The following DDIAS variants were observed in gnomAD, a reference collection of about 807,000 sequenced individuals.
The protein encoded by DDIAS is DNA damage induced apoptosis suppressor.
DDIAS carries 14 observed loss-of-function variants against 15.7 expected under a neutral mutation model. That is an observed-to-expected ratio of 0.89 (90% confidence interval 0.59 to 1.39). The LOEUF (loss-of-function observed/expected upper bound fraction) is 1.39. Among genes scored for constraint, DDIAS ranks in the 40% most tolerant of loss-of-function variants. The pLI is 0.00. For synonymous variants in DDIAS, 355 were observed against 395.9 expected (o/e 0.90, Z 1.23); for missense variants, 1,035 against 1,130.9 (o/e 0.92, Z 1.22).
At position 82,932,340 on chromosome 11, in the gene DDIAS, T is replaced by C; in HGVS notation, c.1002T>C (p.Val334=). ...ACAGCAGTCATCATGAAATTGGAGT[T>C]AATGACTCTAATTTATTCTCTTTGG... ...AVHSSHHEIG[V]NDSNLFSLEM... Residue 334 remains valine, a synonymous_variant, in exon 6 of 6, where the codon GTT becomes GTC. Coordinates refer to ENST00000533655, the MANE Select transcript of DDIAS (RefSeq NM_145018.4). 1 of 1,614,018 alleles carries C rather than the reference T, an allele frequency of 6.2e-7. No homozygotes were observed. The highest frequency in any genetic ancestry group is 8.5e-7 in the Non-Finnish European group (1 of 1,179,902).
chr11:82,924,282 T>C (rs1006232733), intron 3 of DDIAS, among the ~76,000 whole-genome samples: 2 of 152,222 alleles, frequency 1.3e-5, no homozygotes, highest in African/African-American at 4.8e-5. Context: ...AGGGATGTTA[T>C]ATAATCATAT....
intron 3 of DDIAS, among the ~76,000 whole-genome samples, chr11:82,923,131 C>G (rs1248253272): frequency 6.6e-6 from 1 of 152,156 alleles, no homozygotes; most frequent in Non-Finnish European, 1.5e-5. Context: ...TTCAGAGGGT[C>G]TGTGGGTCCT....
chr11:82,932,071 T>C lies in DDIAS; in HGVS notation c.733T>C (p.Phe245Leu), dbSNP rs373346909. 5 of 1,614,006 alleles carry C rather than the reference T, an allele frequency of 3.1e-6. No homozygotes were observed. The African/African-American group carries it at 5.3e-5, about 17-fold the overall frequency. ...FSKFWQPSLE[F>L]TCIVSQLTDN... ...AAAATTCTGGCAGCCATCACTTGAA[T>C]TCACTTGCATTGTTTCACAACTAAC... The change falls in exon 6 of 6, where the codon TTC (phenylalanine) becomes CTC (leucine). Residue 245 changes from phenylalanine to leucine, a missense_variant. By Grantham distance (22) the Phe-to-Leu change is conservative. Transcript: ENST00000533655.
chr11:82,927,183 T>A (rs1028203973), intron 3 of DDIAS, among the ~76,000 whole-genome samples: 14 of 152,232 alleles, frequency 9.2e-5, no homozygotes, highest in Admixed American at 8.5e-4. Context: ...TTGCTAGGAA[T>A]TTTACATTAA....
At position 82,933,030 on chromosome 11, in the gene DDIAS, C is replaced by G; in HGVS notation, c.1692C>G (p.His564Gln). 6.2e-7 allele frequency: 1 copy of G among 1,607,472 alleles called. No homozygotes were observed. The highest frequency in any genetic ancestry group is 8.5e-7 in the Non-Finnish European group (1 of 1,179,284). Reference protein sequence around the residue: ...TLKKTIRISPHRESDHSSLNN... With the variant: ...TLKKTIRISPQRESDHSSLNN... Reference sequence around the variant, plus strand: ...AGAAGACTATCAGAATCTCACCACACAGGGAGAGTGACCATTCTAGTCTAA... The same window carrying G: ...AGAAGACTATCAGAATCTCACCACAGAGGGAGAGTGACCATTCTAGTCTAA... Residue 564 changes from histidine (H) to glutamine (Q), a missense_variant, in exon 6 of 6, where the codon CAC (histidine) becomes CAG (glutamine). Transcript: ENST00000533655.
chr11:82,921,822 A>G (rs796261277), intron 3 of DDIAS, among the ~76,000 whole-genome samples: 26 of 151,320 alleles, frequency 1.7e-4, no homozygotes, highest in African/African-American at 6.3e-4. Flanking sequence ...CAGGTGATCC[A>G]CCCGCCTCAG....
chr11:82,916,889 T>G (rs1860642881), intron 3 of DDIAS, among the ~76,000 whole-genome samples: 1 of 152,234 alleles, frequency 6.6e-6, no homozygotes, highest in South Asian at 2.1e-4. Flanking sequence ...CTAAACAATC[T>G]GAATTCTGTC....
At chr11:82,910,592 T>TTCTCTCTCTC (rs201976654) in intron 1 of DDIAS, among the ~76,000 whole-genome samples, 3 of 139,388 alleles carry the variant, frequency 2.2e-5, no homozygotes, top group African/African-American at 8.8e-5. Context: ...TTTTAATTTT[T>TTCTCTCTCTC]TCTCTCTCTC....
intron 3 of DDIAS, among the ~76,000 whole-genome samples, chr11:82,915,109 T>C (rs1860607368): frequency 6.6e-6 from 1 of 152,242 alleles, no homozygotes; most frequent in African/African-American, 2.4e-5. Flanking sequence ...GTTCCAATAC[T>C]GGGTACAAAA....
At chr11:82,916,966 C>G (rs778460709) in intron 3 of DDIAS, among the ~76,000 whole-genome samples, 1 of 152,134 alleles carries the variant, frequency 6.6e-6, no homozygotes, top group African/African-American at 2.4e-5. Flanking sequence ...GACATCTTCC[C>G]CTCTCTTTCT....
At chr11:82,911,286 G>A (rs989389574) in intron 1 of DDIAS, among the ~76,000 whole-genome samples, 7 of 152,222 alleles carry the variant, frequency 4.6e-5, no homozygotes, top group South Asian at 4.1e-4. Flanking sequence ...GTTTGATAGC[G>A]TTTTACTCAC....
In DDIAS at chr11:82,914,954, G is replaced by A. The variant is rs1189411043; in HGVS notation, c.113+103G>A. On this transcript the variant is annotated intron_variant, in intron 3 of 5. Transcript: ENST00000533655. ...CCAGATTTACCAAACAAGGACATTA[G>A]ATTCTCTCAGGGGTTGGTTCTTCTG... 7.2e-6 allele frequency: 5 copies of A among 697,924 alleles called. No homozygotes were observed. The African/African-American group carries it at 7.5e-5, about 10-fold the overall frequency. 43.2% of individuals were successfully genotyped at this position (697,924 alleles called of 1,614,324 possible). A position where few individuals can be genotyped will look rare whatever the true frequency, so the allele number is the denominator to read the frequency against.
At chr11:82,929,605 G>T (rs1860941449) in intron 4 of DDIAS, among the ~76,000 whole-genome samples, 1 of 151,530 alleles carries the variant, frequency 6.6e-6, no homozygotes, top group African/African-American at 2.4e-5. Flanking sequence ...CCGGGAGGCT[G>T]AGGCAGGAGA....
At chr11:82,921,076 T>A (rs1457555682) in intron 3 of DDIAS, among the ~76,000 whole-genome samples, 1 of 152,230 alleles carries the variant, frequency 6.6e-6, no homozygotes, top group Admixed American at 6.5e-5. Flanking sequence ...GGTGCATAAA[T>A]GTTTAGGATT....
At chr11:82,911,893 A>G (rs1434943849) in intron 1 of DDIAS, among the ~76,000 whole-genome samples, 10 of 152,180 alleles carry the variant, frequency 6.6e-5, no homozygotes, top group South Asian at 2.1e-4. Flanking sequence ...AACAATATCA[A>G]TCTCCTTGTG....
At chr11:82,912,556 G>A (rs1860546968) in intron 1 of DDIAS, among the ~76,000 whole-genome samples, 1 of 152,118 alleles carries the variant, frequency 6.6e-6, no homozygotes, top group African/African-American at 2.4e-5. Flanking sequence ...TCTGGATTAG[G>A]CTTCGATTTA....
chr11:82,932,217 G>A lies in DDIAS; in HGVS notation c.879G>A (p.Gln293=). 1.9e-6 allele frequency: 3 copies of A among 1,613,892 alleles called. No homozygotes were observed. The highest frequency in any genetic ancestry group is 2.5e-6 in the Non-Finnish European group (3 of 1,179,976). Residue 293 remains glutamine, a synonymous_variant, in exon 6 of 6, where the codon CAG becomes CAA. Coordinates refer to ENST00000533655, the MANE Select transcript of DDIAS (RefSeq NM_145018.4). ...CCAGTAGCTGCCATGATCCCATTCA[G>A]GATTCATGGAGCCTTGTTTCATATA... The part of the protein sequence containing the change: ...TGSSSCHDPI[Q]DSWSLVSYMD...
In DDIAS at chr11:82,934,520, A is replaced by T. The variant is rs1453174649; in HGVS notation, c.*185A>T. ...TTGTTTTCCCCAGGGTTTTATCTAG[A>T]ATACTATGATTAGGTAGTTGAGCAC... On this transcript the variant is annotated 3_prime_UTR_variant, in exon 6 of 6. Transcript: ENST00000533655. The T allele has an allele frequency of 3.7e-6, 2 of 538,238 alleles. No individual in the cohort carries two copies. The highest frequency in any genetic ancestry group is 4.8e-4 in the Middle Eastern group (1 of 2,098). 33.3% of individuals were successfully genotyped at this position (538,238 alleles called of 1,614,324 possible).
chr11:82,925,175 A>G (rs939121073), intron 3 of DDIAS, among the ~76,000 whole-genome samples: 14 of 148,370 alleles, frequency 9.4e-5, no homozygotes, highest in East Asian at 3.8e-4. Context: ...TTTGAAAAAC[A>G]TAACTATTTT....
Sources: gnomAD v4.1 joint callset for allele counts (sites outside exome capture counted in the v4.1 genomes callset) on GRCh38, gnomAD v4.1.1 for gene constraint, MANE v1.5 for transcripts, NCBI Gene and HGNC (gene_info 2026-07-23, HGNC 2026-07-21) for gene names.